Variants in ASCC3 observed in about 807,000 individuals in gnomAD.
The protein encoded by ASCC3 is ASC-1 complex subunit P200.
ASCC3 carries 158 observed loss-of-function variants against 256.3 expected under a neutral mutation model. The ratio of observed to expected loss-of-function variants is 0.62; its 90% CI spans 0.54 to 0.70. The LOEUF is 0.70. Among genes scored for constraint, ASCC3 ranks in the 30% least tolerant of loss-of-function variants. ASCC3 has a pLI of 0.00. For synonymous variants in ASCC3, 948 were observed against 883.4 expected (o/e 1.07, Z -1.30); for missense variants, 2,259 against 2,626.0 (o/e 0.86, Z 3.05).
At chr6:100,775,277 GAAT>G (rs1782132780) in intron 8 of ASCC3, among the ~76,000 whole-genome samples, 1 of 151,998 alleles carries the variant, frequency 6.6e-6, no homozygotes, top group South Asian at 2.1e-4. Flanking sequence ...TATCTTCTGA[GAAT>G]AAGAAGGCTT....
intron 8 of ASCC3, among the ~76,000 whole-genome samples, chr6:100,793,037 T>C (rs1449568106): frequency 6.6e-6 from 1 of 151,896 alleles, no homozygotes; most frequent in Admixed American, 6.6e-5. Context: ...CCATGTGGAG[T>C]AGTAGTGGAT....
intron 30 of ASCC3, among the ~76,000 whole-genome samples, chr6:100,621,771 A>T (rs1207543309): frequency 6.6e-6 from 1 of 152,234 alleles, no homozygotes; most frequent in African/African-American, 2.4e-5. Flanking sequence ...TCGTTCTATT[A>T]TAAAGATACG....
In ASCC3 at chr6:100,606,487, T is replaced by C. The variant is rs112887397; in HGVS notation, c.5044+253A>G. 2.5e-3 allele frequency among the ~76,000 whole-genome samples: 374 copies of C among 152,272 alleles called. 2 individuals are homozygous for C. The highest frequency in any genetic ancestry group is 8.5e-3 in the African/African-American group (352 of 41,588). On this transcript the variant is annotated intron_variant, in intron 32 of 41. Coordinates refer to ENST00000369162, the MANE Select transcript of ASCC3 (RefSeq NM_006828.4). ...CTATTTATAAATTTGAAACCAACTT[T>C]GGATGGCTTAATAACAAGTACTTTA...
At chr6:100,712,290 A>T (rs1778886524) in intron 13 of ASCC3, among the ~76,000 whole-genome samples, 1 of 152,186 alleles carries the variant, frequency 6.6e-6, no homozygotes, top group Non-Finnish European at 1.5e-5. Flanking sequence ...AACTCTGCTG[A>T]AAAACACTAA....
intron 10 of ASCC3, among the ~76,000 whole-genome samples, chr6:100,735,902 C>T (rs1780132619): frequency 6.6e-6 from 1 of 152,158 alleles, no homozygotes; most frequent in Non-Finnish European, 1.5e-5. Context: ...AAACCATATA[C>T]CGTAGTAATA....
intron 14 of ASCC3, among the ~76,000 whole-genome samples, chr6:100,663,088 A>T (rs1776302805): frequency 6.6e-6 from 1 of 151,946 alleles, no homozygotes; most frequent in Non-Finnish European, 1.5e-5. Flanking sequence ...GATCCCCATG[A>T]TGCTTCCCCT....
Position 100,860,794 on chromosome 6 carries a change from G to A in ASCC3, c.241+3270C>T, listed in dbSNP as rs117178111. ...ATAAAAGAGAGAGGAAAAGCAGTACGCACTATTCAGGAAATTCAGACAGTA... is the reference window on the plus strand; with the variant it reads ...ATAAAAGAGAGAGGAAAAGCAGTACACACTATTCAGGAAATTCAGACAGTA... On this transcript the variant is annotated intron_variant, in intron 3 of 41. Coordinates refer to ENST00000369162, the MANE Select transcript of ASCC3 (RefSeq NM_006828.4). 2.2e-4 allele frequency among the ~76,000 whole-genome samples: 34 copies of A among 152,162 alleles called. 1 individual carries two copies. In the East Asian group the frequency reaches 4.8e-3, roughly 22 times the overall value.
chr6:100,691,711 T>C (rs1272407318), intron 13 of ASCC3, among the ~76,000 whole-genome samples: 1 of 151,934 alleles, frequency 6.6e-6, no homozygotes, highest in Non-Finnish European at 1.5e-5. Flanking sequence ...AAATCAATTG[T>C]TTTTGTTTTA....
intron 14 of ASCC3, among the ~76,000 whole-genome samples, chr6:100,666,291 A>G (rs973394244): frequency 6.6e-6 from 1 of 152,276 alleles, no homozygotes; most frequent in Middle Eastern, 3.4e-3. Flanking sequence ...ACATTCATGT[A>G]CACTTTTTTG....
intron 3 of ASCC3, among the ~76,000 whole-genome samples, chr6:100,852,229 G>C (rs562462382): frequency 6.6e-6 from 1 of 152,270 alleles, no homozygotes; most frequent in African/African-American, 2.4e-5. Context: ...TGTCTAATTA[G>C]CCAAAGCTAT....
intron 13 of ASCC3, among the ~76,000 whole-genome samples, chr6:100,685,391 G>T (rs1777525701): frequency 6.6e-6 from 1 of 152,106 alleles, no homozygotes. Flanking sequence ...CTCTTCAAGA[G>T]AATTAAGCCC....
Position 100,586,099 on chromosome 6 carries a change from T to C in ASCC3, c.5550+3535A>G, listed in dbSNP as rs553532976. On this transcript the variant is annotated intron_variant, in intron 36 of 41. Transcript: ENST00000369162. ...TCCAGCTGCGTGCTGGGAGAACCAC[T>C]GCTCTCTTCAAAGCTGTCAGCCAGG... Among the ~76,000 whole-genome samples, 5 of 152,306 alleles carry C rather than the reference T, an allele frequency of 3.3e-5. No individual in the cohort carries two copies. The East Asian group carries it at 7.7e-4, about 24-fold the overall frequency.
intron 14 of ASCC3, among the ~76,000 whole-genome samples, chr6:100,671,840 G>GATTAA (rs1776762517): frequency 6.6e-6 from 1 of 151,976 alleles, no homozygotes; most frequent in Admixed American, 6.6e-5. Flanking sequence ...ACAAATACAT[G>GATTAA]ATTAAATAAC....
At chr6:100,771,819 T>C (rs1000120524) in intron 8 of ASCC3, among the ~76,000 whole-genome samples, 10 of 150,852 alleles carry the variant, frequency 6.6e-5, no homozygotes, top group African/African-American at 2.4e-4. Flanking sequence ...CACATACTGA[T>C]AGCAGATAAA....
At chr6:100,624,741 G>C (rs1774143436) in intron 30 of ASCC3, among the ~76,000 whole-genome samples, 1 of 151,768 alleles carries the variant, frequency 6.6e-6, no homozygotes, top group South Asian at 2.1e-4. Flanking sequence ...TTGCATAATG[G>C]AATATAACTG....
intron 25 of ASCC3, among the ~76,000 whole-genome samples, chr6:100,632,535 A>C (rs1304395901): frequency 6.6e-6 from 1 of 152,168 alleles, no homozygotes; most frequent in Non-Finnish European, 1.5e-5. Flanking sequence ...AAAGAAAACC[A>C]GTCAGACGCA....
At chr6:100,522,486 G>A (rs1774361295) in intron 37 of ASCC3, among the ~76,000 whole-genome samples, 1 of 152,062 alleles carries the variant, frequency 6.6e-6, no homozygotes, top group South Asian at 2.1e-4. Flanking sequence ...AAGAAGTTCA[G>A]GTGAAAATGA....
chr6:100,650,013 T>C (rs1263349090), intron 20 of ASCC3, among the ~76,000 whole-genome samples: 1 of 151,620 alleles, frequency 6.6e-6, no homozygotes, highest in Admixed American at 6.6e-5. Context: ...GTCCTCAATG[T>C]TTAAGTTTCA....
chr6:100,596,428 G>T (rs1490596356), intron 34 of ASCC3, among the ~76,000 whole-genome samples: 1 of 151,896 alleles, frequency 6.6e-6, no homozygotes, highest in Non-Finnish European at 1.5e-5. Flanking sequence ...AATTTAGTTG[G>T]GCTGTAATTT....
Sources: gnomAD v4.1 joint callset for allele counts (sites outside exome capture counted in the v4.1 genomes callset) on GRCh38, gnomAD v4.1.1 for gene constraint, MANE v1.5 for transcripts, NCBI Gene and HGNC (gene_info 2026-07-23, HGNC 2026-07-21) for gene names.